Variants in TASOR observed in about 807,000 individuals in gnomAD.
TASOR encodes protein TASOR.
TASOR carries 53 observed loss-of-function variants against 178.6 expected under a neutral mutation model. The ratio of observed to expected loss-of-function variants is 0.30; its 90% CI spans 0.24 to 0.37. The LOEUF is 0.37. Ranked by LOEUF, TASOR falls within the 10% of genes least tolerant of loss-of-function variation. TASOR has a pLI of 1.00. For missense variants in TASOR, 1,815 were observed against 1,971.4 expected, an observed-to-expected ratio of 0.92 and a Z score of 1.50; for synonymous variants, 713 against 696.2, an observed-to-expected ratio of 1.02 and a Z score of -0.38.
At position 56,640,142 on chromosome 3, in the gene TASOR, A is replaced by G; in HGVS notation, c.2620-12T>C. 6.2e-7 allele frequency: 1 copy of G among 1,609,986 alleles called. No individual in the cohort carries two copies. Among genetic ancestry groups the G allele is most frequent in the South Asian group, 1.1e-5 (1 of 90,128 alleles). On this transcript the variant is annotated splice_polypyrimidine_tract_variant and intron_variant, in intron 15 of 23. Coordinates refer to ENST00000683822, the MANE Select transcript of TASOR (RefSeq NM_001365635.2). ...ATTAAATTTGGATCCTAAAAATCAA[A>G]GTACACACTGAATAGCTTTATTTCC... is the stretch of plus-strand genomic sequence containing the variant.
intron 14 of TASOR, among the ~76,000 whole-genome samples, chr3:56,642,592 T>C (rs1210095312): frequency 1.3e-5 from 2 of 152,176 alleles, no homozygotes; most frequent in African/African-American, 2.4e-5. Flanking sequence ...AAACTTTTTA[T>C]AGAGCAGGCA....
chr3:56,666,392 T>C lies in TASOR; in HGVS notation c.898-8A>G, dbSNP rs1407914324. 3.4e-6 allele frequency: 5 copies of C among 1,468,978 alleles called. No homozygotes were observed. Among genetic ancestry groups the C allele is most frequent in the Non-Finnish European group, 4.5e-6 (5 of 1,111,678 alleles). 91.0% of individuals were successfully genotyped at this position (1,468,978 alleles called of 1,614,324 possible). A position where few individuals can be genotyped will look rare whatever the true frequency, so the allele number is the denominator to read the frequency against. On this transcript the variant is annotated splice_region_variant and splice_polypyrimidine_tract_variant and intron_variant, in intron 6 of 23. Transcript: ENST00000683822. Reference sequence around the variant, plus strand: ...ATACTCATAAAAATAATACTAAAAATAAGAAAATGAAAAATTAACTTCTTT... The same window carrying C: ...ATACTCATAAAAATAATACTAAAAACAAGAAAATGAAAAATTAACTTCTTT...
At chr3:56,630,512 GCA>G (rs1482756482) in intron 18 of TASOR, among the ~76,000 whole-genome samples, 2 of 152,126 alleles carry the variant, frequency 1.3e-5, no homozygotes, top group Non-Finnish European at 2.9e-5. Flanking sequence ...TAAATTAAAA[GCA>G]CAATTAATTA....
intron 18 of TASOR, among the ~76,000 whole-genome samples, chr3:56,631,744 C>T (rs908189855): frequency 6.6e-6 from 1 of 151,892 alleles, no homozygotes; most frequent in African/African-American, 2.4e-5. Context: ...CCCCCATGCC[C>T]GGCTAATTTT....
chr3:56,650,492 T>G (rs4234393), intron 11 of TASOR, among the ~76,000 whole-genome samples: 93,710 of 151,940 alleles, frequency 0.62, 31,513 homozygotes, highest in East Asian at 0.96. Flanking sequence ...GATAAAGTCA[T>G]GGGGTCAGAT....
chr3:56,680,186 C>T (rs2031667356), intron 1 of TASOR, among the ~76,000 whole-genome samples: 1 of 152,148 alleles, frequency 6.6e-6, no homozygotes, highest in African/African-American at 2.4e-5. Flanking sequence ...ATCTCCACAA[C>T]TTAGCTGTGT....
chr3:56,664,872 A>T (rs2077673371), intron 7 of TASOR, among the ~76,000 whole-genome samples: 2 of 152,228 alleles, frequency 1.3e-5, no homozygotes, highest in South Asian at 4.1e-4. Context: ...AGAAAACCAA[A>T]AAAAAGGAAA....
intron 11 of TASOR, among the ~76,000 whole-genome samples, chr3:56,655,974 T>C (rs968943108): frequency 6.6e-6 from 1 of 152,196 alleles, no homozygotes; most frequent in Non-Finnish European, 1.5e-5. Flanking sequence ...GATGCAGCAT[T>C]AGGCTACTAC....
chr3:56,670,745 G>A (rs2030597793), intron 3 of TASOR, among the ~76,000 whole-genome samples: 1 of 151,564 alleles, frequency 6.6e-6, no homozygotes, highest in Non-Finnish European at 1.5e-5. Flanking sequence ...AGACCAGCCT[G>A]GCCAACATGG....
intron 21 of TASOR, among the ~76,000 whole-genome samples, 198 bp from the exon 22 acceptor site, chr3:56,625,204 C>T (rs533480712): frequency 2.0e-5 from 3 of 152,282 alleles, no homozygotes; most frequent in East Asian, 1.9e-4. Flanking sequence ...TTCTTGGTCG[C>T]GAGGCCTCAG....
At chr3:56,682,635 G>T in intron 1 of TASOR, 41 bp downstream of exon 1, 1 of 1,414,560 alleles carries the variant, frequency 7.1e-7, no homozygotes, top group Non-Finnish European at 9.4e-7. Context: ...AAAAGATGGA[G>T]GGGAGAGAGA....
chr3:56,670,669 C>T (rs2030586684), intron 3 of TASOR, among the ~76,000 whole-genome samples: 1 of 152,142 alleles, frequency 6.6e-6, no homozygotes, highest in Non-Finnish European at 1.5e-5. Flanking sequence ...GGCATGGTGG[C>T]TCACGCCTGT....
intron 5 of TASOR, 89 bp from the exon 6 acceptor site, chr3:56,668,647 G>T: frequency 1.0e-6 from 1 of 980,528 alleles, no homozygotes; most frequent in Non-Finnish European, 1.5e-6. Context: ...TTTGAATATA[G>T]ATCAACTATC....
chr3:56,648,171 C>T (rs2077275162), intron 13 of TASOR, among the ~76,000 whole-genome samples: 1 of 151,868 alleles, frequency 6.6e-6, no homozygotes, highest in Non-Finnish European at 1.5e-5. Flanking sequence ...GCCATGATCG[C>T]ACCACTGCCT....
At chr3:56,663,361 CAGT>C (rs2077639151) in intron 8 of TASOR, among the ~76,000 whole-genome samples, 177 bp downstream of exon 8, 1 of 152,136 alleles carries the variant, frequency 6.6e-6, no homozygotes. Flanking sequence ...AGTCTATTCA[CAGT>C]AGCAGATTTT....
chr3:56,622,040 C>T lies in TASOR; in HGVS notation c.*997G>A, dbSNP rs1218233439. On this transcript the variant is annotated 3_prime_UTR_variant, in exon 24 of 24. Transcript: ENST00000683822. ...CTTATTAACACGTCTAGACCCATAA[C>T]TCCATAACTTTTACTGAAATAACAC... The T allele has an allele frequency of 1.3e-5, 2 of 152,310 alleles. No individual in the cohort carries two copies. Among genetic ancestry groups the T allele is most frequent in the African/African-American group, 4.8e-5 (2 of 41,430 alleles). The allele number at this position is 152,310 out of a possible 1,614,324, so 9.4% of individuals were successfully genotyped here.
At chr3:56,625,161 G>GGAAA (rs967064479) in intron 21 of TASOR, among the ~76,000 whole-genome samples, 155 bp from the exon 22 acceptor site, 1 of 151,988 alleles carries the variant, frequency 6.6e-6, no homozygotes, top group African/African-American at 2.4e-5. Flanking sequence ...GTGCTTCTTT[G>GGAAA]GAAAGAAAGA....
chr3:56,647,076 A>G lies in TASOR; in HGVS notation c.1661T>C (p.Val554Ala). ...AAAAAATTCACTTACATACTTTTCA[A>G]CAACAGAATGAAAATTTATGGCGCT... Reference protein sequence around the residue: ...NISAINFHSVVEKYVSEFFKR... With the variant: ...NISAINFHSVAEKYVSEFFKR... Residue 554 changes from valine to alanine, a missense_variant, in exon 14 of 24, where the codon GTT (valine) becomes GCT (alanine). Around this residue, in one of 5 missense-constraint regions of TASOR, gnomAD observed 504 missense variants for 645.3 expected, o/e 0.78. Transcript: ENST00000683822. The G allele has an allele frequency of 6.2e-7, 1 of 1,607,114 alleles. No individual in the cohort carries two copies. The highest frequency in any genetic ancestry group is 8.5e-7 in the Non-Finnish European group (1 of 1,178,450).
At chr3:56,669,980 A>G in intron 4 of TASOR, 93 bp downstream of exon 4, 1 of 953,990 alleles carries the variant, frequency 1.0e-6, no homozygotes, top group Non-Finnish European at 1.6e-6. Flanking sequence ...TAAAGCATGA[A>G]TTTAATAACA....
Sources: allele counts gnomAD v4.1 joint callset (sites outside exome capture counted in the v4.1 genomes callset), GRCh38; gene constraint gnomAD v4.1.1; regional missense constraint gnomAD v4.1.1; transcripts MANE v1.5; gene names NCBI Gene and HGNC (gene_info 2026-07-23, HGNC 2026-07-21).